TRERF1: variants seen among roughly 807,000 people sequenced by gnomAD.
TRERF1 encodes transcriptional-regulating factor 1.
TRERF1 carries 27 observed loss-of-function variants against 122.9 expected under a neutral mutation model. That is an observed-to-expected ratio of 0.22 (90% confidence interval 0.16 to 0.30). The LOEUF (loss-of-function observed/expected upper bound fraction) is 0.30. Ranked by LOEUF, TRERF1 falls within the 10% of genes least tolerant of loss-of-function variation. The pLI, the probability that TRERF1 is intolerant of heterozygous loss-of-function variation, is 1.00. For synonymous variants in TRERF1, 636 were observed against 641.7 expected (o/e 0.99, Z 0.13); for missense variants, 1,248 against 1,560.3 (o/e 0.80, Z 3.37).
At chr6:42,309,776 CTTTAT>C (rs1434451792) in intron 3 of TRERF1, among the ~76,000 whole-genome samples, 1 of 152,244 alleles carries the variant, frequency 6.6e-6, no homozygotes, top group East Asian at 1.9e-4. Flanking sequence ...TAAAAATTTA[CTTTAT>C]TTTATTATTT....
chr6:42,308,596 G>A (rs1311639590), intron 3 of TRERF1, among the ~76,000 whole-genome samples: 3 of 152,186 alleles, frequency 2.0e-5, no homozygotes, highest in Admixed American at 6.5e-5. Flanking sequence ...TAAAATGGCC[G>A]TGCAGCCATA....
rs146705256 is a variant in TRERF1, at chr6:42,274,627, C to T, written c.-258-4779G>A. 5.2e-3 allele frequency among the ~76,000 whole-genome samples: 786 copies of T among 151,790 alleles called. 12 individuals carry two copies. Among genetic ancestry groups the T allele is most frequent in the African/African-American group, 0.018 (732 of 41,330 alleles). ...TTGGGAGGTCAAGGTTGCAGTGAGC[C>T]GAGATCAAGCCATTTCACTCCAGCC... is the stretch of plus-strand genomic sequence containing the variant. On this transcript the variant is annotated intron_variant, in intron 4 of 17. Coordinates refer to ENST00000372922, the Ensembl canonical transcript of TRERF1.
chr6:42,410,840 T>C (rs1423482820), intron 2 of TRERF1, among the ~76,000 whole-genome samples: 1 of 152,240 alleles, frequency 6.6e-6, no homozygotes, highest in South Asian at 2.1e-4. Flanking sequence ...ATTCCACTGA[T>C]GACTTCTGCA....
chr6:42,348,538 C>A (rs1428595792), intron 3 of TRERF1, among the ~76,000 whole-genome samples: 1 of 152,176 alleles, frequency 6.6e-6, no homozygotes, highest in Non-Finnish European at 1.5e-5. Context: ...CAGGCGTGAG[C>A]CATCGTGCCT....
At chr6:42,258,933 C>T (rs1777275567) in intron 9 of TRERF1, among the ~76,000 whole-genome samples, 5 of 152,122 alleles carry the variant, frequency 3.3e-5, no homozygotes, top group Admixed American at 3.3e-4. Flanking sequence ...CGGGGTTTCA[C>T]CATGTTGGCC....
In TRERF1 at chr6:42,269,316, C is replaced by A. The variant is rs779951565; in HGVS notation, c.275G>T (p.Gly92Val). Residue 92 changes from glycine to valine, a missense_variant, in exon 5 of 18, where the codon GGA (glycine) becomes GTA (valine). Around this residue, in one of 5 missense-constraint regions of TRERF1, gnomAD observed 946 missense variants for 1,073.0 expected, o/e 0.88. Coordinates refer to ENST00000372922, the Ensembl canonical transcript of TRERF1. This position sits in a 1 kb window ranked among gnomAD's most constrained non-coding sequence, Gnocchi z 4.9. The stretch of plus-strand genomic sequence containing the variant: ...GTTTCCACGTAGCTGGACATGGTTT[C>A]CAGGCCCTGCATGACTTCCCCACCC... 61 of 1,614,056 alleles carry A rather than the reference C, an allele frequency of 3.8e-5. No individual in the cohort carries two copies. The highest frequency in any genetic ancestry group is 4.9e-5 in the Non-Finnish European group (58 of 1,180,024).
chr6:42,269,299 G>T lies in TRERF1; in HGVS notation c.292C>A (p.Arg98Ser). Reference sequence around the variant, plus strand: ...ATGTTTGAGTTGGCCAGGTTTCCACGTAGCTGGACATGGTTTCCAGGCCCT... The same window carrying T: ...ATGTTTGAGTTGGCCAGGTTTCCACTTAGCTGGACATGGTTTCCAGGCCCT... Residue 98 changes from arginine (R) to serine (S), a missense_variant, in exon 5 of 18, where the codon CGT becomes AGT. Coordinates refer to ENST00000372922, the Ensembl canonical transcript of TRERF1. This position sits in a 1 kb window ranked among gnomAD's most constrained non-coding sequence, Gnocchi z 4.9. The T allele has an allele frequency of 6.2e-7, 1 of 1,614,170 alleles. No homozygotes were observed. Among genetic ancestry groups the T allele is most frequent in the Non-Finnish European group, 8.5e-7 (1 of 1,180,030 alleles).
In TRERF1 at chr6:42,265,744, A is replaced by C. The variant is rs756882498; in HGVS notation, c.1484+7T>G. ...CCAAAATACCAACAAGGTTCCACTC[A>C]TCCTACCTTGACTCAGGGGACCCTG... On this transcript the variant is annotated splice_region_variant and intron_variant, in intron 6 of 17. Transcript: ENST00000372922. 9 of 1,612,636 alleles carry C rather than the reference A, an allele frequency of 5.6e-6. No homozygotes were observed. Among genetic ancestry groups the C allele is most frequent in the Non-Finnish European group, 6.8e-6 (8 of 1,179,340 alleles).
intron 2 of TRERF1, among the ~76,000 whole-genome samples, chr6:42,366,951 C>T (rs1401249866): frequency 2.0e-5 from 3 of 152,088 alleles, no homozygotes; most frequent in Non-Finnish European, 2.9e-5. Context: ...CACCAAGATG[C>T]CCCATAAGAA....
In TRERF1 at chr6:42,446,041, A is replaced by G. The variant is rs574428123; in HGVS notation, c.-454+5136T>C. Among the ~76,000 whole-genome samples the G allele has an allele frequency of 2.2e-4, 33 of 152,330 alleles. No individual in the cohort carries two copies. In the South Asian group the frequency reaches 6.8e-3, roughly 32 times the overall value. Reference sequence around the variant, plus strand: ...GTGATTCTCCTGCCTCAGCCTCCCAAGTAGCTGGGATCACAGGCATCCGCC... The same window carrying G: ...GTGATTCTCCTGCCTCAGCCTCCCAGGTAGCTGGGATCACAGGCATCCGCC... On this transcript the variant is annotated intron_variant, in intron 2 of 17. Coordinates refer to ENST00000372922, the Ensembl canonical transcript of TRERF1.
At chr6:42,241,166 G>A (rs1271262759) in intron 15 of TRERF1, among the ~76,000 whole-genome samples, 20 of 152,138 alleles carry the variant, frequency 1.3e-4, no homozygotes, top group Admixed American at 1.3e-3. Context: ...TTACAGGTGT[G>A]AGCCACAGTG....
At chr6:42,284,939 C>T (rs1782916650) in intron 4 of TRERF1, among the ~76,000 whole-genome samples, 1 of 152,114 alleles carries the variant, frequency 6.6e-6, no homozygotes, top group Admixed American at 6.5e-5. Flanking sequence ...GGCAGGCACT[C>T]TGAAAACATT....
intron 2 of TRERF1, among the ~76,000 whole-genome samples, chr6:42,369,944 T>C (rs1205022597): frequency 1.3e-5 from 2 of 152,194 alleles, no homozygotes; most frequent in Non-Finnish European, 2.9e-5. Context: ...TCCCAGTCCC[T>C]CTAAACCTAC....
At chr6:42,400,530 C>G (rs998633833) in intron 2 of TRERF1, among the ~76,000 whole-genome samples, 2 of 152,168 alleles carry the variant, frequency 1.3e-5, no homozygotes, top group African/African-American at 4.8e-5. Flanking sequence ...AAAACACAAC[C>G]TTTCCCCAAC....
chr6:42,344,637 A>AT (rs1767926644), intron 3 of TRERF1, among the ~76,000 whole-genome samples: 2 of 151,840 alleles, frequency 1.3e-5, no homozygotes, highest in African/African-American at 4.8e-5. Context: ...TGCTACTAAG[A>AT]CTCTGCTAGG....
At chr6:42,351,118 A>G (rs1769360840) in intron 3 of TRERF1, among the ~76,000 whole-genome samples, 1 of 152,240 alleles carries the variant, frequency 6.6e-6, no homozygotes, top group Admixed American at 6.5e-5. Flanking sequence ...TCAAATTGGC[A>G]AAAACTGAAA....
chr6:42,295,444 T>C (rs1784940722), intron 4 of TRERF1, among the ~76,000 whole-genome samples: 2 of 152,174 alleles, frequency 1.3e-5, no homozygotes, highest in East Asian at 3.8e-4. Context: ...CTGAGGGCTT[T>C]TGATAATGGG....
At chr6:42,448,992 C>CA (rs1167396507) in intron 2 of TRERF1, among the ~76,000 whole-genome samples, 11 of 152,190 alleles carry the variant, frequency 7.2e-5, no homozygotes, top group Admixed American at 5.2e-4. Flanking sequence ...ATACAAGCAG[C>CA]AAAGAACACT....
At chr6:42,388,602 T>C (rs1464736652) in intron 2 of TRERF1, among the ~76,000 whole-genome samples, 17 of 152,094 alleles carry the variant, frequency 1.1e-4, no homozygotes, top group Admixed American at 9.8e-4. Context: ...TTTAAACAGC[T>C]TGGTGGCACT....
Sources: allele counts gnomAD v4.1 joint callset (sites outside exome capture counted in the v4.1 genomes callset), GRCh38; gene constraint gnomAD v4.1.1; regional missense constraint gnomAD v4.1.1; non-coding constraint Gnocchi (gnomAD v3.1); transcripts MANE v1.5; gene names NCBI Gene and HGNC (gene_info 2026-07-23, HGNC 2026-07-21).